Variants in OPCML observed in about 807,000 individuals in gnomAD.
OPCML encodes opioid binding protein/cell adhesion molecule like, also known as opioid-binding protein/cell adhesion molecule.
Under a neutral mutation model 37.8 loss-of-function variants are expected in OPCML, and 13 were observed. The ratio of observed to expected loss-of-function variants is 0.34; its 90% CI spans 0.22 to 0.55. OPCML has a LOEUF of 0.55. Among genes scored for constraint, OPCML ranks in the 20% least tolerant of loss-of-function variants. The pLI is 0.91. For missense variants in OPCML, 341 were observed against 435.6 expected, an observed-to-expected ratio of 0.78 and a Z score of 1.93; for synonymous variants, 176 against 168.8, an observed-to-expected ratio of 1.04 and a Z score of -0.33.
intron 2 of OPCML, among the ~76,000 whole-genome samples, chr11:132,733,212 G>A (rs1268543066): frequency 6.6e-6 from 1 of 152,076 alleles, no homozygotes; most frequent in Non-Finnish European, 1.5e-5. Context: ...AGATTTCCTT[G>A]AGAATGATAG....
intron 1 of OPCML, among the ~76,000 whole-genome samples, chr11:133,131,086 A>G (rs1361519446): frequency 2.0e-5 from 3 of 152,122 alleles, no homozygotes; most frequent in Non-Finnish European, 4.4e-5. Flanking sequence ...AAGGGACCCT[A>G]GAGAGGGCTT....
intron 1 of OPCML, among the ~76,000 whole-genome samples, chr11:133,114,220 G>A (rs1419983976): frequency 6.6e-6 from 1 of 152,142 alleles, no homozygotes; most frequent in African/African-American, 2.4e-5. Flanking sequence ...CTCTGCTGCT[G>A]TGGAAAAGGC....
chr11:132,560,572 G>C (rs1012564320), intron 3 of OPCML, among the ~76,000 whole-genome samples: 2 of 152,110 alleles, frequency 1.3e-5, no homozygotes, highest in African/African-American at 2.4e-5. Context: ...TTTTCTCATA[G>C]TTTAGCTCCC....
intron 1 of OPCML, among the ~76,000 whole-genome samples, chr11:133,213,501 G>T (rs981171227): frequency 6.6e-6 from 1 of 152,274 alleles, no homozygotes; most frequent in East Asian, 1.9e-4. Flanking sequence ...ATGCTCTTTA[G>T]AAATTAATGT....
intron 1 of OPCML, among the ~76,000 whole-genome samples, chr11:133,000,670 C>T (rs769549439): frequency 1.2e-4 from 18 of 152,286 alleles, no homozygotes; most frequent in Non-Finnish European, 2.2e-4. Context: ...ACCACACTCT[C>T]TTTTCATTTA....
intron 4 of OPCML, among the ~76,000 whole-genome samples, chr11:132,493,269 C>T (rs1029497767): frequency 1.6e-4 from 25 of 152,052 alleles, no homozygotes; most frequent in Admixed American, 1.4e-3. Context: ...AAGTAGAGCT[C>T]GGGAAGAGGG....
At chr11:133,370,043 CA>C (rs773448465) in intron 1 of OPCML, among the ~76,000 whole-genome samples, 1 of 152,100 alleles carries the variant, frequency 6.6e-6, no homozygotes, top group Non-Finnish European at 1.5e-5. Context: ...TGATTTTGCA[CA>C]TGAAACAAAG....
intron 1 of OPCML, among the ~76,000 whole-genome samples, chr11:133,124,970 T>C (rs1949477825): frequency 6.6e-6 from 1 of 152,138 alleles, no homozygotes; most frequent in South Asian, 2.1e-4. Context: ...ATTGGGCAGT[T>C]GTCTCTGCTT....
At chr11:132,561,060 T>A (rs1329239351) in intron 3 of OPCML, among the ~76,000 whole-genome samples, 1 of 152,202 alleles carries the variant, frequency 6.6e-6, no homozygotes, top group Non-Finnish European at 1.5e-5. Context: ...CCCTTCTCAC[T>A]CAAATCTGAA....
intron 1 of OPCML, among the ~76,000 whole-genome samples, chr11:133,322,800 G>A (rs1487923884): frequency 2.6e-5 from 4 of 152,078 alleles, no homozygotes; most frequent in Non-Finnish European, 5.9e-5. Flanking sequence ...TTTAGTTCAA[G>A]CTGTCATCTC....
chr11:132,758,208 C>G (rs1160556491), intron 2 of OPCML, among the ~76,000 whole-genome samples: 1 of 152,104 alleles, frequency 6.6e-6, no homozygotes. Context: ...TTACTGTAGC[C>G]TTCTAGTATA....
chr11:133,286,488 A>AAG (rs1942304335), intron 1 of OPCML, among the ~76,000 whole-genome samples: 1 of 149,888 alleles, frequency 6.7e-6, no homozygotes, highest in African/African-American at 2.5e-5. Flanking sequence ...AAAAAAAAAA[A>AAG]AAAAAAGGAC....
chr11:133,455,526 G>A (rs527750799), intron 1 of OPCML, among the ~76,000 whole-genome samples: 6 of 152,096 alleles, frequency 3.9e-5, no homozygotes, highest in South Asian at 2.1e-4. Flanking sequence ...TCCTCTCTGC[G>A]CAGTCATTTA....
intron 4 of OPCML, among the ~76,000 whole-genome samples, chr11:132,494,149 C>A (rs2096224227): frequency 6.6e-6 from 1 of 152,194 alleles, no homozygotes; most frequent in East Asian, 1.9e-4. Flanking sequence ...AGATTCCATT[C>A]AAATCCAAGA....
intron 2 of OPCML, among the ~76,000 whole-genome samples, chr11:132,705,427 CAA>C (rs924068870): frequency 6.6e-6 from 1 of 151,438 alleles, no homozygotes; most frequent in African/African-American, 2.4e-5. Flanking sequence ...CCCATGACTA[CAA>C]AAAAAATAAC....
chr11:133,298,123 T>G (rs1942674651), intron 1 of OPCML: 1 of 152,140 alleles, frequency 6.6e-6, no homozygotes, highest in Non-Finnish European at 1.5e-5. Flanking sequence ...GGGCCCAATT[T>G]GATTCATCAG....
At chr11:133,036,324 T>G (rs1947783378) in intron 1 of OPCML, among the ~76,000 whole-genome samples, 1 of 152,252 alleles carries the variant, frequency 6.6e-6, no homozygotes, top group African/African-American at 2.4e-5. Flanking sequence ...TCTTATTATG[T>G]GTCAGGCACT....
At chr11:133,261,747 G>C (rs1941501938) in intron 1 of OPCML, among the ~76,000 whole-genome samples, 1 of 152,234 alleles carries the variant, frequency 6.6e-6, no homozygotes, top group Non-Finnish European at 1.5e-5. Context: ...GAGAGGGGGA[G>C]AGAGAAGAAA....
intron 1 of OPCML, among the ~76,000 whole-genome samples, chr11:133,232,028 G>T (rs1940301238): frequency 6.6e-6 from 1 of 152,066 alleles, no homozygotes; most frequent in Non-Finnish European, 1.5e-5. Context: ...GAAGGACGAG[G>T]GAGAGGAAGA....
Sources: gnomAD v4.1 joint callset for allele counts (sites outside exome capture counted in the v4.1 genomes callset) on GRCh38, gnomAD v4.1.1 for gene constraint, MANE v1.5 for transcripts, NCBI Gene and HGNC (gene_info 2026-07-23, HGNC 2026-07-21) for gene names.